The following ZNF385D variants were observed in gnomAD, a reference collection of about 807,000 sequenced individuals.
The protein encoded by ZNF385D is zinc finger protein 659.
In ZNF385D, 15 loss-of-function variants were observed where a neutral mutation model predicts 35.8. The observed-to-expected ratio is 0.42, with a 90% CI of 0.28 to 0.64. The LOEUF is 0.64. Ranked by LOEUF, ZNF385D falls within the 30% of genes least tolerant of loss-of-function variation. ZNF385D has a pLI of 0.23. For missense variants in ZNF385D, 474 were observed against 494.6 expected (o/e 0.96, Z 0.39); for synonymous variants, 212 against 186.8 (o/e 1.13, Z -1.10).
chr3:22,227,788 CTTCA>C (rs1190924391), intron 2 of ZNF385D, among the ~76,000 whole-genome samples: 5 of 152,118 alleles, frequency 3.3e-5, no homozygotes, highest in African/African-American at 7.2e-5. Flanking sequence ...CTAGAAATTT[CTTCA>C]TTATCAGCCC....
intron 3 of ZNF385D, among the ~76,000 whole-genome samples, chr3:22,043,027 G>C: frequency 6.6e-6 from 1 of 152,116 alleles, no homozygotes; most frequent in African/African-American, 2.4e-5. Flanking sequence ...AGCTTAACAA[G>C]GCTCCAAACT....
At chr3:21,512,310 C>T (rs562910271) in intron 3 of ZNF385D, among the ~76,000 whole-genome samples, 14 of 151,992 alleles carry the variant, frequency 9.2e-5, no homozygotes, top group African/African-American at 3.1e-4. Context: ...CATAACCTTT[C>T]CAAATGTCCC....
At chr3:22,189,624 T>C (rs991161960) in intron 2 of ZNF385D, among the ~76,000 whole-genome samples, 1 of 152,196 alleles carries the variant, frequency 6.6e-6, no homozygotes, top group African/African-American at 2.4e-5. Context: ...AAAGTGTTAA[T>C]AAATTCTTTA....
intron 3 of ZNF385D, among the ~76,000 whole-genome samples, chr3:21,549,982 A>G (rs1229620462): frequency 6.6e-6 from 1 of 152,220 alleles, no homozygotes; most frequent in Non-Finnish European, 1.5e-5. Context: ...GAAAATTGCA[A>G]CTGAGGCCCT....
At chr3:21,811,592 T>TA (rs978520203) in intron 3 of ZNF385D, among the ~76,000 whole-genome samples, 1 of 152,170 alleles carries the variant, frequency 6.6e-6, no homozygotes, top group African/African-American at 2.4e-5. Context: ...TGTATGGCGA[T>TA]AACTAACTTC....
chr3:22,096,419 T>C (rs993356702), intron 3 of ZNF385D, among the ~76,000 whole-genome samples: 1 of 152,066 alleles, frequency 6.6e-6, no homozygotes, highest in African/African-American at 2.4e-5. Flanking sequence ...TTATAAAATT[T>C]CTTACAAAAA....
At chr3:22,059,132 T>C (rs1699563662) in intron 3 of ZNF385D, among the ~76,000 whole-genome samples, 2 of 152,148 alleles carry the variant, frequency 1.3e-5, no homozygotes, top group African/African-American at 4.8e-5. Flanking sequence ...AATTAACCTA[T>C]CAGGAGTTAT....
At chr3:21,869,026 T>A (rs187407056) in intron 3 of ZNF385D, among the ~76,000 whole-genome samples, 1 of 152,180 alleles carries the variant, frequency 6.6e-6, no homozygotes, top group East Asian at 1.9e-4. Flanking sequence ...CAACATTCAT[T>A]TTGTTTCTGT....
intron 3 of ZNF385D, among the ~76,000 whole-genome samples, chr3:22,092,150 C>G (rs1202916722): frequency 6.6e-6 from 1 of 152,120 alleles, no homozygotes; most frequent in Non-Finnish European, 1.5e-5. Context: ...ACTTTATTGT[C>G]TCTTGGTTGA....
intron 3 of ZNF385D, among the ~76,000 whole-genome samples, chr3:21,866,831 T>C (rs1223582444): frequency 6.6e-6 from 1 of 152,184 alleles, no homozygotes; most frequent in South Asian, 2.1e-4. Flanking sequence ...CAGGTAGTGA[T>C]TAAAATACAA....
intron 3 of ZNF385D, among the ~76,000 whole-genome samples, chr3:21,867,401 T>C (rs1697427500): frequency 6.6e-6 from 1 of 152,082 alleles, no homozygotes; most frequent in Non-Finnish European, 1.5e-5. Flanking sequence ...CTCCAGGTGA[T>C]TCCATTGTGC....
At chr3:22,045,315 A>G (rs73822838) in intron 3 of ZNF385D, among the ~76,000 whole-genome samples, 10,419 of 152,182 alleles carry the variant, frequency 0.068, 396 homozygotes, top group East Asian at 0.1. Context: ...TGGTGTGATC[A>G]TATAATAAAT....
chr3:21,651,191 A>G (rs939719379), intron 2 of ZNF385D, among the ~76,000 whole-genome samples: 12 of 148,768 alleles, frequency 8.1e-5, no homozygotes, highest in Admixed American at 3.4e-4. Context: ...GGGAGGCTGA[A>G]GCAGGAGAAT....
At chr3:22,041,000 G>A (rs555925347) in intron 3 of ZNF385D, among the ~76,000 whole-genome samples, 10 of 151,918 alleles carry the variant, frequency 6.6e-5, no homozygotes, top group Non-Finnish European at 8.8e-5. Flanking sequence ...GCAGAGAATC[G>A]CATTTACTGG....
intron 3 of ZNF385D, among the ~76,000 whole-genome samples, chr3:21,814,235 C>T (rs1000822835): frequency 6.6e-6 from 1 of 152,198 alleles, no homozygotes; most frequent in African/African-American, 2.4e-5. Flanking sequence ...GTACCAGCCA[C>T]TGCAAAAATA....
chr3:21,912,538 G>T (rs1178972070), intron 3 of ZNF385D, among the ~76,000 whole-genome samples: 2 of 151,972 alleles, frequency 1.3e-5, no homozygotes, highest in Admixed American at 1.3e-4. Context: ...TTTGAACCAG[G>T]CATTGTGTGC....
intron 3 of ZNF385D, among the ~76,000 whole-genome samples, chr3:21,552,258 A>C (rs568977720): frequency 2.6e-5 from 4 of 152,200 alleles, no homozygotes; most frequent in African/African-American, 9.6e-5. Context: ...TGGTTATTTA[A>C]ATAGAGATAA....
intron 2 of ZNF385D, among the ~76,000 whole-genome samples, chr3:21,565,027 C>T (rs2063094213): frequency 6.6e-6 from 1 of 152,124 alleles, no homozygotes; most frequent in South Asian, 2.1e-4. Flanking sequence ...CAATCTAACA[C>T]AGAAGTATGT....
intron 1 of ZNF385D, among the ~76,000 whole-genome samples, chr3:21,684,585 A>C (rs2125324884): frequency 6.6e-6 from 1 of 152,222 alleles, no homozygotes; most frequent in Non-Finnish European, 1.5e-5. Flanking sequence ...AGTATTATAA[A>C]GTCACATTAA....
Sources: allele counts gnomAD v4.1 joint callset (sites outside exome capture counted in the v4.1 genomes callset), GRCh38; gene constraint gnomAD v4.1.1; transcripts MANE v1.5; gene names NCBI Gene and HGNC (gene_info 2026-07-23, HGNC 2026-07-21).